Variants in CAPZB observed in about 807,000 individuals in gnomAD.
The protein encoded by CAPZB is capping actin protein of muscle Z-line subunit beta.
In CAPZB, 2 loss-of-function variants were observed where a neutral mutation model predicts 38.1. That is an observed-to-expected ratio of 0.05 (90% CI 0.02 to 0.17). The LOEUF (loss-of-function observed/expected upper bound fraction) is 0.17. CAPZB is among the 10% of genes least tolerant of loss of function. CAPZB has a pLI of 1.00. For synonymous variants in CAPZB, 107 were observed against 127.4 expected (o/e 0.84, Z 1.08); for missense variants, 161 against 334.2 (o/e 0.48, Z 4.04).
At chr1:19,471,736 G>A (rs922983736) in intron 1 of CAPZB, among the ~76,000 whole-genome samples, 10 of 151,956 alleles carry the variant, frequency 6.6e-5, no homozygotes, top group South Asian at 2.1e-4. Flanking sequence ...GCGTGGTGGC[G>A]GGCGCCTGTA....
intron 1 of CAPZB, among the ~76,000 whole-genome samples, chr1:19,450,748 G>A (rs1381597352): frequency 6.6e-6 from 1 of 152,204 alleles, no homozygotes; most frequent in Non-Finnish European, 1.5e-5. Flanking sequence ...TGCAGGGTCA[G>A]TTGATGTTAG....
intron 1 of CAPZB, among the ~76,000 whole-genome samples, chr1:19,457,431 C>G (rs1237778744): frequency 2.6e-5 from 4 of 152,150 alleles, no homozygotes; most frequent in African/African-American, 9.7e-5. Context: ...ACTGTGTGAT[C>G]CACCGCATGC....
In CAPZB at chr1:19,430,336, T is replaced by C. The variant is rs2094437903; in HGVS notation, c.4-10586A>G. ...TTCCCTTACACATCCCTCCAGGAAG[T>C]GAAATATCCGAAATGAGTCATACTC... On this transcript the variant is annotated intron_variant, in intron 1 of 8. Transcript: ENST00000264202. Among the ~76,000 whole-genome samples, 4 of 152,300 alleles carry C rather than the reference T, an allele frequency of 2.6e-5. No homozygotes were observed. The South Asian group carries it at 6.2e-4, about 24-fold the overall frequency.
chr1:19,386,066 A>G (rs1239166372), intron 2 of CAPZB, among the ~76,000 whole-genome samples: 1 of 152,218 alleles, frequency 6.6e-6, no homozygotes, highest in Admixed American at 6.5e-5. Context: ...ACAGGCTCCT[A>G]TGCTGGGTGG....
chr1:19,399,418 G>T (rs1247029242), intron 2 of CAPZB, among the ~76,000 whole-genome samples: 6 of 152,178 alleles, frequency 3.9e-5, no homozygotes, highest in African/African-American at 1.4e-4. Context: ...GGAACCATGG[G>T]CAGTGTTGTC....
intron 2 of CAPZB, among the ~76,000 whole-genome samples, chr1:19,414,518 A>G: frequency 6.6e-6 from 1 of 152,206 alleles, no homozygotes; most frequent in South Asian, 2.1e-4. Flanking sequence ...AACTGTAAGA[A>G]AGAAAGAAGT....
At chr1:19,462,844 C>G (rs758264124) in intron 1 of CAPZB, among the ~76,000 whole-genome samples, 2 of 152,180 alleles carry the variant, frequency 1.3e-5, no homozygotes, top group Admixed American at 1.3e-4. Context: ...ATTGAATTCA[C>G]TGATACTGAA....
Position 19,485,524 on chromosome 1 carries a change from G to T in CAPZB, c.-86C>A. Reference sequence around the variant, plus strand: ...GCCCGGCGCTTCCACTTCCCCGGGTGCCCAGGAGTGAACATCCGGGTCAGC... The same window carrying T: ...GCCCGGCGCTTCCACTTCCCCGGGTTCCCAGGAGTGAACATCCGGGTCAGC... On this transcript the variant is annotated 5_prime_UTR_variant, in exon 1 of 9. Coordinates refer to ENST00000264202, the MANE Select transcript of CAPZB (RefSeq NM_004930.5). 1 of 1,125,250 alleles carries T rather than the reference G, an allele frequency of 8.9e-7. No individual in the cohort carries two copies. The highest frequency in any genetic ancestry group is 1.1e-6 in the Non-Finnish European group (1 of 892,334). The allele number at this position is 1,125,250 out of a possible 1,614,324, so 69.7% of individuals were successfully genotyped here. A position where few individuals can be genotyped will look rare whatever the true frequency, so the allele number is the denominator to read the frequency against.
intron 3 of CAPZB, among the ~76,000 whole-genome samples, chr1:19,383,135 A>AGAGAGAAAAAGTCAAAAAAAT (rs2094184594): frequency 6.8e-6 from 1 of 146,544 alleles, no homozygotes; most frequent in East Asian, 2.0e-4. Context: ...AAAAAAAAGG[A>AGAGAGAAAAAGTCAAAAAAAT]GAGAGAAAAA....
At chr1:19,440,614 G>C (rs1254814691) in intron 1 of CAPZB, among the ~76,000 whole-genome samples, 2 of 152,100 alleles carry the variant, frequency 1.3e-5, no homozygotes, top group African/African-American at 4.8e-5. Context: ...AGTGTGGGGG[G>C]AAGGGACTTG....
chr1:19,442,899 G>A (rs1054567064), intron 1 of CAPZB, among the ~76,000 whole-genome samples: 5 of 152,042 alleles, frequency 3.3e-5, no homozygotes, highest in South Asian at 2.1e-4. Context: ...TCCTCTGTGC[G>A]GCGCAAACAA....
chr1:19,340,809 G>C (rs1162828807), intron 8 of CAPZB, among the ~76,000 whole-genome samples: 1 of 152,168 alleles, frequency 6.6e-6, no homozygotes, highest in East Asian at 1.9e-4. Context: ...CCAACATATT[G>C]GTTAGGCAAA....
chr1:19,436,487 G>A (rs1364678706), intron 1 of CAPZB, among the ~76,000 whole-genome samples: 2 of 152,108 alleles, frequency 1.3e-5, no homozygotes, highest in African/African-American at 2.4e-5. Context: ...ATTTAATAAA[G>A]GAAGGGAAAA....
chr1:19,484,700 G>A (rs1312243156), intron 1 of CAPZB: 3 of 1,100,724 alleles, frequency 2.7e-6, no homozygotes, highest in Non-Finnish European at 3.4e-6. Context: ...CAGGGGGCAG[G>A]ACCCTGATGA....
At position 19,342,838 on chromosome 1, in the gene CAPZB, T is replaced by G. The variant is rs1165807975; in HGVS notation, c.731+1520A>C. ...CTCCCTCTGCAACTGCTTAAACTTT[T>G]GGTTGTCAGGGATAGCATCAATAGA... On this transcript the variant is annotated intron_variant, in intron 8 of 8. Transcript: ENST00000264202. 1.9e-6 allele frequency: 3 copies of G among 1,610,394 alleles called. No homozygotes were observed. In the African/African-American group the frequency reaches 4.0e-5, roughly 22 times the overall value.
chr1:19,445,366 C>CT (rs34332615), intron 1 of CAPZB, among the ~76,000 whole-genome samples: 12 of 148,862 alleles, frequency 8.1e-5, no homozygotes, highest in South Asian at 6.5e-4. Flanking sequence ...TTTTGAGTGA[C>CT]TTTTTTTTTT....
chr1:19,351,193 G>T (rs1378267757), intron 6 of CAPZB, among the ~76,000 whole-genome samples: 1 of 151,630 alleles, frequency 6.6e-6, no homozygotes, highest in African/African-American at 2.4e-5. Context: ...GTGTTGGTCA[G>T]GCTGATCTCG....
intron 1 of CAPZB, among the ~76,000 whole-genome samples, chr1:19,425,456 A>T (rs999597166): frequency 6.6e-5 from 10 of 152,100 alleles, no homozygotes; most frequent in Admixed American, 2.6e-4. Flanking sequence ...GAAAAAAAAA[A>T]TCAAGGAAGA....
At chr1:19,352,985 C>T (rs968173161) in intron 6 of CAPZB, among the ~76,000 whole-genome samples, 9 of 152,212 alleles carry the variant, frequency 5.9e-5, no homozygotes, top group African/African-American at 9.6e-5. Flanking sequence ...GATGTGCCCA[C>T]GGAAGGGACC....
Sources: allele counts gnomAD v4.1 joint callset (sites outside exome capture counted in the v4.1 genomes callset), GRCh38; gene constraint gnomAD v4.1.1; transcripts MANE v1.5; gene names NCBI Gene and HGNC (gene_info 2026-07-23, HGNC 2026-07-21).